PRKN: variants seen among roughly 807,000 people sequenced by gnomAD.
PRKN encodes the protein parkin RBR E3 ubiquitin protein ligase.
A neutral mutation model predicts 59.5 loss-of-function variants in PRKN; 56 were observed. The ratio of observed to expected loss-of-function variants is 0.94; its 90% confidence interval spans 0.76 to 1.18. The LOEUF (loss-of-function observed/expected upper bound fraction) is 1.18. Ranked by LOEUF, PRKN falls within the 50% of genes most tolerant of loss-of-function variation. The pLI, the probability that PRKN is intolerant of heterozygous loss-of-function variation, is 0.00. For missense variants in PRKN, 657 were observed against 596.4 expected (o/e 1.10, Z -1.06); for synonymous variants, 250 against 222.1 (o/e 1.13, Z -1.12).
intron 2 of PRKN, among the ~76,000 whole-genome samples, chr6:162,285,824 T>G (rs1300958191): frequency 2.0e-5 from 3 of 152,140 alleles, no homozygotes; most frequent in African/African-American, 7.2e-5. Flanking sequence ...TGTGCCACTT[T>G]GAAGCCAAAG....
chr6:162,554,323 G>A (rs1027962662), intron 1 of PRKN, among the ~76,000 whole-genome samples: 15 of 151,924 alleles, frequency 9.9e-5, no homozygotes, highest in Non-Finnish European at 2.1e-4. Flanking sequence ...GACCAACATC[G>A]AGAAACCCCA....
chr6:161,677,462 G>A (rs997301557), intron 7 of PRKN, among the ~76,000 whole-genome samples: 2 of 152,172 alleles, frequency 1.3e-5, no homozygotes, highest in African/African-American at 4.8e-5. Flanking sequence ...TGCAGCCCAA[G>A]GTAAACCACT....
At chr6:162,308,909 T>C (rs1782351928) in intron 2 of PRKN, among the ~76,000 whole-genome samples, 1 of 152,064 alleles carries the variant, frequency 6.6e-6, no homozygotes, top group South Asian at 2.1e-4. Flanking sequence ...CCTAGCATAG[T>C]TATTCAACTA....
Position 161,874,530 on chromosome 6 carries a change from A to G in PRKN, c.735-88622T>C, listed in dbSNP as rs1794578851. On this transcript the variant is annotated intron_variant, in intron 6 of 11. Coordinates refer to ENST00000366898, the MANE Select transcript of PRKN (RefSeq NM_004562.3). Reference sequence around the variant, plus strand: ...TATATGTAAAATATATATTATATGTAAAATATATATTATGTAAAATATATA... The same window carrying G: ...TATATGTAAAATATATATTATATGTGAAATATATATTATGTAAAATATATA... 1.8e-5 allele frequency among the ~76,000 whole-genome samples: 2 copies of G among 110,854 alleles called. 1 individual carries two copies. Among genetic ancestry groups the G allele is most frequent in the South Asian group, 6.2e-4 (2 of 3,216 alleles). 72.7% of individuals were successfully genotyped at this position (110,854 alleles called of 152,430 possible).
At chr6:161,977,562 T>A (rs1781090470) in intron 5 of PRKN, among the ~76,000 whole-genome samples, 1 of 147,158 alleles carries the variant, frequency 6.8e-6, no homozygotes, top group South Asian at 2.2e-4. Flanking sequence ...TTTTTTTTTT[T>A]TTTAAGACAG....
chr6:162,476,669 T>A (rs1792033612), intron 1 of PRKN, among the ~76,000 whole-genome samples: 1 of 151,972 alleles, frequency 6.6e-6, no homozygotes, highest in Non-Finnish European at 1.5e-5. Flanking sequence ...TCTTGCCTGG[T>A]TCAACCTCAT....
At chr6:161,945,096 C>T (rs1224757008) in intron 6 of PRKN, among the ~76,000 whole-genome samples, 2 of 129,586 alleles carry the variant, frequency 1.5e-5, no homozygotes, top group South Asian at 5.4e-4. Context: ...TTAAAGCCTA[C>T]TGAATATAAC....
chr6:161,621,443 G>A (rs997781392), intron 7 of PRKN, among the ~76,000 whole-genome samples: 2 of 152,078 alleles, frequency 1.3e-5, no homozygotes, highest in African/African-American at 2.4e-5. Flanking sequence ...GGGGTCCTGG[G>A]GTCCTGATGT....
intron 6 of PRKN, among the ~76,000 whole-genome samples, chr6:161,835,443 C>T (rs1437765189): frequency 6.6e-6 from 1 of 152,202 alleles, no homozygotes; most frequent in East Asian, 1.9e-4. Flanking sequence ...TGAAATTTGT[C>T]ACTCTGGGAG....
In PRKN at chr6:162,517,249, A is replaced by AT. The variant is rs755649567; in HGVS notation, c.8-73777dup. 8.8e-3 allele frequency among the ~76,000 whole-genome samples: 1,204 copies of AT among 136,240 alleles called. 9 individuals carry two copies. The highest frequency in any genetic ancestry group is 0.013 in the Non-Finnish European group (817 of 62,870). The allele number at this position is 136,240 out of a possible 152,430, so 89.4% of individuals were successfully genotyped here. On this transcript the variant is annotated intron_variant, in intron 1 of 11. Coordinates refer to ENST00000366898, the MANE Select transcript of PRKN (RefSeq NM_004562.3). ...GGGAGGGCTGGGGTAGAACCCAGGC[A>AT]TTTTTTTTTTTTTTTTGAGACGGAG...
intron 3 of PRKN, among the ~76,000 whole-genome samples, chr6:162,238,301 G>C (rs984442985): frequency 6.6e-6 from 1 of 152,138 alleles, no homozygotes; most frequent in Non-Finnish European, 1.5e-5. Context: ...TTGTCTAGGG[G>C]CAATAGGCTA....
chr6:162,606,995 G>T (rs1781946542), intron 1 of PRKN, among the ~76,000 whole-genome samples: 1 of 152,128 alleles, frequency 6.6e-6, no homozygotes, highest in Non-Finnish European at 1.5e-5. Flanking sequence ...TTATAGGTGT[G>T]AGCCATGGTG....
chr6:161,626,753 G>A (rs550895303), intron 7 of PRKN, among the ~76,000 whole-genome samples: 1 of 152,328 alleles, frequency 6.6e-6, no homozygotes, highest in South Asian at 2.1e-4. Flanking sequence ...AGACCCCAAG[G>A]AGGGTACTGT....
At chr6:162,042,477 T>TG (rs1784104214) in intron 5 of PRKN, among the ~76,000 whole-genome samples, 1 of 151,546 alleles carries the variant, frequency 6.6e-6, no homozygotes, top group African/African-American at 2.4e-5. Context: ...TTCATAGAGA[T>TG]GGGGTCTCAT....
intron 1 of PRKN, among the ~76,000 whole-genome samples, chr6:162,598,609 T>C (rs1394498125): frequency 2.0e-5 from 3 of 151,958 alleles, no homozygotes; most frequent in East Asian, 3.9e-4. Flanking sequence ...ACCCAGAACT[T>C]TGGGAGGTCG....
At chr6:162,575,889 A>G (rs1485280619) in intron 1 of PRKN, among the ~76,000 whole-genome samples, 3 of 151,958 alleles carry the variant, frequency 2.0e-5, no homozygotes, top group Non-Finnish European at 4.4e-5. Context: ...TCTCTTGTAC[A>G]CTCTTGCAAC....
At chr6:162,062,468 C>T (rs1039994890) in intron 4 of PRKN, among the ~76,000 whole-genome samples, 1 of 152,088 alleles carries the variant, frequency 6.6e-6, no homozygotes, top group African/African-American at 2.4e-5. Flanking sequence ...TAAGTACTAA[C>T]CCCCAGTTCC....
At chr6:162,157,959 A>G (rs1272516424) in intron 4 of PRKN, among the ~76,000 whole-genome samples, 2 of 151,986 alleles carry the variant, frequency 1.3e-5, no homozygotes, top group African/African-American at 4.8e-5. Flanking sequence ...TCTTAATTTA[A>G]TATCTGAATT....
At chr6:162,262,065 A>G (rs1779912298) in intron 3 of PRKN, among the ~76,000 whole-genome samples, 1 of 152,196 alleles carries the variant, frequency 6.6e-6, no homozygotes, top group Non-Finnish European at 1.5e-5. Context: ...TTAGAGAATA[A>G]AAGACTAAGA....
Sources: gnomAD v4.1 joint callset for allele counts (sites outside exome capture counted in the v4.1 genomes callset) on GRCh38, gnomAD v4.1.1 for gene constraint, MANE v1.5 for transcripts, NCBI Gene and HGNC (gene_info 2026-07-23, HGNC 2026-07-21) for gene names.